Variants in MAPK10 observed in about 807,000 individuals in gnomAD.
The protein encoded by MAPK10 is JNK3 alpha protein kinase.
MAPK10 carries 25 observed loss-of-function variants against 59.3 expected under a neutral mutation model. The ratio of observed to expected loss-of-function variants is 0.42; its 90% CI spans 0.31 to 0.59. The LOEUF (loss-of-function observed/expected upper bound fraction) is 0.59, where lower values mean the gene tolerates loss of function less well. Ranked by LOEUF, MAPK10 falls within the 20% of genes least tolerant of loss-of-function variation. The probability of loss-of-function intolerance (pLI) is 0.15; values close to 1 mark genes in which losing one functional copy is unlikely to be tolerated. For synonymous variants in MAPK10, 190 were observed against 200.5 expected (o/e 0.95, Z 0.44); for missense variants, 351 against 568.9 (o/e 0.62, Z 3.90).
intron 1 of MAPK10, among the ~76,000 whole-genome samples, chr4:86,523,034 A>G (rs1017136588): frequency 3.9e-5 from 6 of 152,242 alleles, no homozygotes; most frequent in Non-Finnish European, 7.3e-5. Context: ...CTTTTGCAAC[A>G]TAAGTTCCTT....
chr4:86,334,837 T>C (rs1486605460), intron 2 of MAPK10, among the ~76,000 whole-genome samples: 1 of 152,056 alleles, frequency 6.6e-6, no homozygotes, highest in Non-Finnish European at 1.5e-5. Context: ...AGCATGCAAA[T>C]AAATAATTGG....
intron 1 of MAPK10, among the ~76,000 whole-genome samples, chr4:86,438,139 TA>T (rs1188937116): frequency 1.3e-5 from 2 of 152,170 alleles, no homozygotes; most frequent in Admixed American, 1.3e-4. Flanking sequence ...GATTATGAAT[TA>T]CTACTAATAT....
At chr4:86,199,006 T>C (rs1554085378) in intron 2 of MAPK10, among the ~76,000 whole-genome samples, 1 of 151,990 alleles carries the variant, frequency 6.6e-6, no homozygotes, top group Non-Finnish European at 1.5e-5. Flanking sequence ...ATCCTTCAAA[T>C]TGTCAAAAGC....
At chr4:86,132,199 T>C (rs757967335) in intron 4 of MAPK10, among the ~76,000 whole-genome samples, 1 of 152,228 alleles carries the variant, frequency 6.6e-6, no homozygotes, top group Non-Finnish European at 1.5e-5. Context: ...TATTTAATCA[T>C]TGATACATGT....
At chr4:86,428,250 C>G (rs943989405) in intron 1 of MAPK10, among the ~76,000 whole-genome samples, 1 of 151,736 alleles carries the variant, frequency 6.6e-6, no homozygotes, top group African/African-American at 2.4e-5. Flanking sequence ...CTAAAATGAT[C>G]CTCCCACCTA....
At chr4:86,315,390 A>G (rs1329076394) in intron 2 of MAPK10, among the ~76,000 whole-genome samples, 1 of 152,150 alleles carries the variant, frequency 6.6e-6, no homozygotes, top group African/African-American at 2.4e-5. Flanking sequence ...ACATTTTAAA[A>G]TAACTAAAAG....
intron 4 of MAPK10, among the ~76,000 whole-genome samples, chr4:86,144,643 T>G (rs1485784774): frequency 6.6e-6 from 1 of 152,170 alleles, no homozygotes; most frequent in Admixed American, 6.5e-5. Context: ...AGGTGGCAGC[T>G]GTATAGCAGG....
Position 86,425,921 on chromosome 4 carries a change from A to G in MAPK10, c.-122+27109T>C, listed in dbSNP as rs532064736. Among the ~76,000 whole-genome samples, 3 of 152,332 alleles carry G rather than the reference A, an allele frequency of 2.0e-5. No homozygotes were observed. The East Asian group carries it at 5.8e-4, about 29-fold the overall frequency. On this transcript the variant is annotated intron_variant, in intron 1 of 13. Transcript: ENST00000361569. Reference sequence around the variant, plus strand: ...GGGAGGCAGAGGTCGCAGTGAGCCGAGATTGAGCCACTGTACTCCAGCCTG... The same window carrying G: ...GGGAGGCAGAGGTCGCAGTGAGCCGGGATTGAGCCACTGTACTCCAGCCTG...
intron 4 of MAPK10, among the ~76,000 whole-genome samples, chr4:86,157,581 T>A (rs570251371): frequency 6.6e-6 from 1 of 152,026 alleles, no homozygotes; most frequent in African/African-American, 2.4e-5. Flanking sequence ...GTCTGTGGAT[T>A]TCAGAAGCAT....
chr4:86,423,440 C>A (rs1311168016), intron 1 of MAPK10, among the ~76,000 whole-genome samples: 3 of 152,022 alleles, frequency 2.0e-5, no homozygotes, highest in Non-Finnish European at 4.4e-5. Flanking sequence ...AGACATTAAA[C>A]CAGCTAATGT....
At chr4:86,467,513 T>TTTTTTTTTTTTG (rs113497398) in intron 1 of MAPK10, among the ~76,000 whole-genome samples, 1 of 150,920 alleles carries the variant, frequency 6.6e-6, no homozygotes, top group South Asian at 2.1e-4. Context: ...AAAACAGCAT[T>TTTTTTTTTTTTG]TTTGTTTGTT....
intron 4 of MAPK10, among the ~76,000 whole-genome samples, chr4:86,114,803 C>T (rs1436099119): frequency 1.3e-5 from 2 of 152,248 alleles, no homozygotes; most frequent in Non-Finnish European, 2.9e-5. Flanking sequence ...ACTGTGGCCG[C>T]TCCTCCCCTC....
intron 2 of MAPK10, chr4:86,300,901 A>AAAC (rs749279191): frequency 5.9e-5 from 9 of 151,810 alleles, no homozygotes; most frequent in Non-Finnish European, 1.3e-4. Flanking sequence ...TTAAAAAAAA[A>AAAC]AAAAAACAAC....
At chr4:86,186,540 C>A (rs1356877530) in intron 3 of MAPK10, among the ~76,000 whole-genome samples, 1 of 151,970 alleles carries the variant, frequency 6.6e-6, no homozygotes. Context: ...AATATTAATT[C>A]TAGAATCAGG....
chr4:86,120,242 T>C (rs1324854327), intron 4 of MAPK10: 1 of 152,194 alleles, frequency 6.6e-6, no homozygotes, highest in Non-Finnish European at 1.5e-5. Flanking sequence ...AGCCTAATTA[T>C]AGAGTTTTCA....
chr4:86,039,751 C>T (rs2041115108), intron 11 of MAPK10, among the ~76,000 whole-genome samples: 1 of 152,196 alleles, frequency 6.6e-6, no homozygotes, highest in South Asian at 2.1e-4. Flanking sequence ...AGGCCAGCCT[C>T]TACAGATGTA....
intron 1 of MAPK10, among the ~76,000 whole-genome samples, chr4:86,590,147 C>T (rs1159870304): frequency 1.3e-5 from 2 of 151,946 alleles, no homozygotes; most frequent in South Asian, 2.1e-4. Context: ...AAATAAAATA[C>T]ATATTATGAA....
intron 2 of MAPK10, among the ~76,000 whole-genome samples, chr4:86,237,918 C>T (rs1270299900): frequency 6.6e-6 from 1 of 152,094 alleles, no homozygotes; most frequent in African/African-American, 2.4e-5. Flanking sequence ...AAGACTTTGC[C>T]CATGCCTATG....
intron 9 of MAPK10, among the ~76,000 whole-genome samples, chr4:86,074,098 T>C (rs1251565508): frequency 9.1e-6 from 1 of 110,264 alleles, no homozygotes; most frequent in Non-Finnish European, 1.9e-5. Flanking sequence ...TGCATATATA[T>C]TTAGGATAGT....
Sources: gnomAD v4.1 joint callset for allele counts (sites outside exome capture counted in the v4.1 genomes callset) on GRCh38, gnomAD v4.1.1 for gene constraint, MANE v1.5 for transcripts, NCBI Gene and HGNC (gene_info 2026-07-23, HGNC 2026-07-21) for gene names.